RELN: variants seen among roughly 807,000 people sequenced by gnomAD.
The protein encoded by RELN is reelin.
Under a neutral mutation model 427.6 loss-of-function variants are expected in RELN, and 108 were observed. That is an observed-to-expected ratio of 0.25 (90% CI 0.22 to 0.30). The LOEUF is 0.30. Ranked by LOEUF, RELN falls within the 10% of genes least tolerant of loss-of-function variation. The pLI is 1.00. For synonymous variants in RELN, 1,524 were observed against 1,513.4 expected (o/e 1.01, Z -0.16); for missense variants, 3,715 against 4,302.8 (o/e 0.86, Z 3.82).
chr7:103,838,186 G>A (rs1793457223), intron 2 of RELN, among the ~76,000 whole-genome samples: 2 of 134,296 alleles, frequency 1.5e-5, no homozygotes, highest in South Asian at 2.4e-4. Flanking sequence ...TCCAGCCTGG[G>A]CGACAGAGCG....
At chr7:103,981,959 C>A (rs762259348) in intron 1 of RELN, among the ~76,000 whole-genome samples, 1 of 152,086 alleles carries the variant, frequency 6.6e-6, no homozygotes, top group Non-Finnish European at 1.5e-5. Context: ...CTGAGGTCAA[C>A]AGTTCAAGAC....
chr7:103,486,206 G>C lies in RELN; in HGVS notation c.9974C>G (p.Thr3325Ser), dbSNP rs1297370955. The stretch of plus-strand genomic sequence containing the variant: ...ATGGAGGTTTGGGTACCTTGCTCGA[G>C]TGAGATCCAGAGGCTTGGTAGCTGC... ...RQAATKPLDL[T>S]RASKIMFVLQ... Residue 3325 changes from threonine (T) to serine (S), a missense_variant, in exon 61 of 65, where the codon ACT (threonine) becomes AGT (serine). Thr to Ser is a moderately conservative substitution (Grantham distance 58). Transcript: ENST00000428762. 6.2e-7 allele frequency: 1 copy of C among 1,613,440 alleles called. No individual in the cohort carries two copies. Among genetic ancestry groups the C allele is most frequent in the East Asian group, 2.2e-5 (1 of 44,886 alleles).
At chr7:103,608,227 C>G (rs1318016457) in intron 22 of RELN, among the ~76,000 whole-genome samples, 1 of 151,946 alleles carries the variant, frequency 6.6e-6, no homozygotes, top group Non-Finnish European at 1.5e-5. Flanking sequence ...TCAAGACTTC[C>G]AAGGAATGTA....
At chr7:103,783,920 A>G (rs1791955392) in intron 3 of RELN, among the ~76,000 whole-genome samples, 1 of 152,160 alleles carries the variant, frequency 6.6e-6, no homozygotes, top group African/African-American at 2.4e-5. Context: ...ATGATTTTGC[A>G]TTGAAATAAA....
chr7:103,836,171 T>A (rs1377161233), intron 2 of RELN, among the ~76,000 whole-genome samples: 1 of 152,084 alleles, frequency 6.6e-6, no homozygotes, highest in East Asian at 1.9e-4. Context: ...TTCACCATGT[T>A]GGCCAGGCTG....
intron 20 of RELN, among the ~76,000 whole-genome samples, chr7:103,618,695 T>C (rs1562925533): frequency 6.6e-6 from 1 of 152,098 alleles, no homozygotes; most frequent in Non-Finnish European, 1.5e-5. Flanking sequence ...TTCATTCCCA[T>C]TCCCATTCTC....
chr7:103,713,157 T>C (rs558824530), intron 8 of RELN, among the ~76,000 whole-genome samples: 1 of 152,244 alleles, frequency 6.6e-6, no homozygotes, highest in East Asian at 1.9e-4. Context: ...GACCCATAAA[T>C]ACTGAAGGCT....
intron 30 of RELN, 26 bp downstream of exon 30, chr7:103,574,066 A>C (rs779125054): frequency 7.7e-6 from 12 of 1,558,972 alleles, no homozygotes; most frequent in Middle Eastern, 1.7e-4. Flanking sequence ...TGTTTGTGAA[A>C]AAGTATACCA....
At chr7:103,907,187 G>A (rs958699205) in intron 2 of RELN, among the ~76,000 whole-genome samples, 4 of 151,214 alleles carry the variant, frequency 2.6e-5, no homozygotes, top group Non-Finnish European at 5.9e-5. Flanking sequence ...GGAGGCCGAG[G>A]CGGTTGGATC....
At chr7:103,909,649 T>A (rs1795295633) in intron 2 of RELN, among the ~76,000 whole-genome samples, 1 of 115,550 alleles carries the variant, frequency 8.7e-6, no homozygotes, top group East Asian at 2.2e-4. Flanking sequence ...TAAATATATA[T>A]ATTTAATATA....
chr7:103,936,203 G>A (rs982729966), intron 1 of RELN, among the ~76,000 whole-genome samples: 1 of 150,936 alleles, frequency 6.6e-6, no homozygotes, highest in Admixed American at 6.6e-5. Flanking sequence ...AGAAATTCTC[G>A]TGCCTCAGCC....
intron 3 of RELN, among the ~76,000 whole-genome samples, chr7:103,782,017 A>G (rs1236349077): frequency 6.6e-6 from 1 of 152,148 alleles, no homozygotes; most frequent in Non-Finnish European, 1.5e-5. Context: ...ACACGTTTCT[A>G]ATAAGCACTT....
chr7:103,973,908 C>A (rs566100041), intron 1 of RELN, among the ~76,000 whole-genome samples: 2 of 152,308 alleles, frequency 1.3e-5, no homozygotes, highest in South Asian at 4.1e-4. Context: ...TTTGGGACGC[C>A]AAGGCGGGTG....
At chr7:103,679,192 GA>G (rs1170841661) in intron 11 of RELN, among the ~76,000 whole-genome samples, 3 of 152,154 alleles carry the variant, frequency 2.0e-5, no homozygotes, top group Non-Finnish European at 4.4e-5. Flanking sequence ...AAACACTATG[GA>G]TTAAACTATC....
intron 25 of RELN, 105 bp downstream of exon 25, chr7:103,596,351 G>T: frequency 1.0e-6 from 1 of 954,548 alleles, no homozygotes; most frequent in Non-Finnish European, 1.7e-6. Context: ...ATTTTTATAG[G>T]TTTGTCTATT....
chr7:103,764,049 A>G (rs1205625187), intron 4 of RELN, among the ~76,000 whole-genome samples: 1 of 152,214 alleles, frequency 6.6e-6, no homozygotes, highest in Non-Finnish European at 1.5e-5. Context: ...TGGGGTGATG[A>G]TGAAGATGCT....
At position 103,887,347 on chromosome 7, in the gene RELN, T is replaced by C. The variant is rs560532237; in HGVS notation, c.337+29728A>G. ...GGTCTCGGTTCATAGGCCCTAGCCA[T>C]TGCACGTCAAAGGATGCAGAATGGA... On this transcript the variant is annotated intron_variant, in intron 2 of 64. Coordinates refer to ENST00000428762, the MANE Select transcript of RELN (RefSeq NM_005045.4). Among the ~76,000 whole-genome samples the C allele has an allele frequency of 3.3e-5, 5 of 152,288 alleles. No homozygotes were observed. The South Asian group carries it at 1.0e-3, about 32-fold the overall frequency.
intron 1 of RELN, among the ~76,000 whole-genome samples, chr7:103,928,813 G>A (rs530528161): frequency 9.5e-5 from 13 of 137,538 alleles, no homozygotes; most frequent in African/African-American, 3.5e-4. Flanking sequence ...CATTGCAGGG[G>A]ATTTTGGGTG....
chr7:103,834,600 A>G (rs1793355692), intron 2 of RELN, among the ~76,000 whole-genome samples: 1 of 152,352 alleles, frequency 6.6e-6, no homozygotes, highest in Non-Finnish European at 1.5e-5. Flanking sequence ...TAACTCAACA[A>G]CTAAAAAACA....
Sources: gnomAD v4.1 joint callset for allele counts (sites outside exome capture counted in the v4.1 genomes callset) on GRCh38, gnomAD v4.1.1 for gene constraint, MANE v1.5 for transcripts, NCBI Gene and HGNC (gene_info 2026-07-23, HGNC 2026-07-21) for gene names.